Variants in ARFGEF1 observed in about 807,000 individuals in gnomAD.
ARFGEF1 encodes the protein ARF guanine nucleotide exchange factor 1.
A neutral mutation model predicts 231.0 loss-of-function variants in ARFGEF1; 42 were observed. The observed-to-expected ratio is 0.18, with a 90% CI of 0.14 to 0.24. The LOEUF is 0.24. Among genes scored for constraint, ARFGEF1 ranks in the 10% least tolerant of loss-of-function variants. The pLI is 1.00. For synonymous variants in ARFGEF1, 710 were observed against 732.3 expected (o/e 0.97, Z 0.49); for missense variants, 1,345 against 2,192.0 (o/e 0.61, Z 7.72).
In ARFGEF1 at chr8:67,232,930, T is replaced by C. The variant is rs1342621540; in HGVS notation, c.3305A>G (p.Asp1102Gly). The part of the protein sequence containing the change: ...VGLGLVGGNV[D>G]WKQIASIQES... ...CTGAATACTTGCTATCTGTTTCCAGTCCACATTTCCTCCAACTACCACACA... is the reference window on the plus strand; with the variant it reads ...CTGAATACTTGCTATCTGTTTCCAGCCCACATTTCCTCCAACTACCACACA... The change falls in exon 23 of 39, where the codon GAC becomes GGC. Residue 1102 changes from aspartate (D) to glycine (G), a missense_variant. Transcript: ENST00000262215. The C allele has an allele frequency of 1.9e-6, 3 of 1,610,524 alleles. No individual in the cohort carries two copies. Among genetic ancestry groups the C allele is most frequent in the Non-Finnish European group, 2.5e-6 (3 of 1,177,938 alleles).
intron 5 of ARFGEF1, among the ~76,000 whole-genome samples, chr8:67,186,996 TCTATCTATCTATCTATC>T (rs1834830993): frequency 6.6e-6 from 1 of 151,778 alleles, no homozygotes; most frequent in African/African-American, 2.4e-5. Flanking sequence ...TATCTATCTA[TCTATCTATCTATCTATC>T]TAATCTATCT....
chr8:67,289,610 A>G (rs544143975), intron 6 of ARFGEF1, among the ~76,000 whole-genome samples: 1 of 151,562 alleles, frequency 6.6e-6, no homozygotes, highest in African/African-American at 2.4e-5. Flanking sequence ...CACTACTTAT[A>G]ATAGTGGCTT....
At chr8:67,244,742 A>G (rs1840053756) in intron 19 of ARFGEF1, among the ~76,000 whole-genome samples, 1 of 150,510 alleles carries the variant, frequency 6.6e-6, no homozygotes, top group African/African-American at 2.5e-5. Flanking sequence ...AAATAGTTTT[A>G]AAAGGGCAAT....
At chr8:67,281,741 A>G (rs1805544883) in intron 7 of ARFGEF1, among the ~76,000 whole-genome samples, 1 of 152,132 alleles carries the variant, frequency 6.6e-6, no homozygotes, top group African/African-American at 2.4e-5. Flanking sequence ...GTGACCAAAT[A>G]GGAGATAAAT....
downstream of ARFGEF1, chr8:67,175,436 G>A (rs200546493): frequency 3.6e-5 from 58 of 1,614,110 alleles, no homozygotes; most frequent in Middle Eastern, 6.6e-4. Flanking sequence ...AGGTGCCAAA[G>A]GTAAGAAATA....
intron 1 of ARFGEF1, among the ~76,000 whole-genome samples, chr8:67,303,019 C>A (rs925154643): frequency 1.3e-5 from 2 of 150,860 alleles, no homozygotes; most frequent in African/African-American, 4.9e-5. Context: ...CCCTTGAGCC[C>A]AAGAGTTAAA....
chr8:67,320,203 G>T (rs1040044438), intron 1 of ARFGEF1, among the ~76,000 whole-genome samples: 13 of 104,172 alleles, frequency 1.2e-4, no homozygotes, highest in Non-Finnish European at 2.0e-4. Flanking sequence ...CAGACTGGGT[G>T]AAAGAGCAAA....
At chr8:67,204,358 T>C (rs532158583) in intron 35 of ARFGEF1, among the ~76,000 whole-genome samples, 1 of 152,270 alleles carries the variant, frequency 6.6e-6, no homozygotes, top group East Asian at 1.9e-4. Flanking sequence ...CTTAAAACAT[T>C]TTCTTCATCT....
intron 30 of ARFGEF1, 69 bp from the exon 31 acceptor site, chr8:67,218,207 A>AAAAAAATATATATATATATAT (rs1491555936): frequency 1.1e-5 from 1 of 90,836 alleles, no homozygotes; most frequent in African/African-American, 6.9e-5. Context: ...AAAAAAAAAA[A>AAAAAAATATATATATATATAT]ATATATATAT....
At chr8:67,307,889 G>A (rs1182115084) in intron 1 of ARFGEF1, among the ~76,000 whole-genome samples, 2 of 152,182 alleles carry the variant, frequency 1.3e-5, no homozygotes, top group African/African-American at 4.8e-5. Context: ...AAGTGACAGT[G>A]AACAACAGCT....
downstream of ARFGEF1, among the ~76,000 whole-genome samples, chr8:67,194,567 A>G (rs1194485161): frequency 1.3e-5 from 2 of 152,154 alleles, no homozygotes; most frequent in African/African-American, 2.4e-5. Flanking sequence ...GCATTTTAAG[A>G]ATCTTTTTCA....
chr8:67,340,302 T>G (rs929250835), intron 1 of ARFGEF1, among the ~76,000 whole-genome samples: 7 of 152,214 alleles, frequency 4.6e-5, no homozygotes, highest in African/African-American at 1.7e-4. Flanking sequence ...TTAGAAGGGT[T>G]ATAACACCAC....
intron 1 of ARFGEF1, among the ~76,000 whole-genome samples, chr8:67,319,882 T>C (rs1335110233): frequency 2.0e-5 from 3 of 151,950 alleles, no homozygotes; most frequent in Non-Finnish European, 2.9e-5. Context: ...GCAAAAGACT[T>C]AGACATTCAC....
intron 4 of ARFGEF1, 44 bp from the exon 5 acceptor site, chr8:67,296,654 C>CT (rs369652334): frequency 0.13 from 136,670 of 1,044,546 alleles, 106 homozygotes; most frequent in South Asian, 0.18. Context: ...TTTTCTTTTT[C>CT]TTTTTTTTTT....
At position 67,236,393 on chromosome 8, in the gene ARFGEF1, T is replaced by A. The variant is rs1387412063; in HGVS notation, c.3289+1950A>T. 2.8e-3 allele frequency among the ~76,000 whole-genome samples: 268 copies of A among 96,136 alleles called. 13 individuals carry two copies. The highest frequency in any genetic ancestry group is 7.0e-3 in the Middle Eastern group (1 of 142). 63.1% of individuals were successfully genotyped at this position (96,136 alleles called of 152,430 possible). ...ATATATATATATATATATATATATATATATATATATATATATATGTATCCA... is the reference window on the plus strand; with the variant it reads ...ATATATATATATATATATATATATAAATATATATATATATATATGTATCCA... On this transcript the variant is annotated intron_variant, in intron 22 of 38. Coordinates refer to ENST00000262215, the MANE Select transcript of ARFGEF1 (RefSeq NM_006421.5).
Position 67,266,028 on chromosome 8 carries a change from T to C in ARFGEF1, c.2101A>G (p.Ile701Val). The change falls in exon 14 of 39, where the codon ATA (isoleucine) becomes GTA (valine). Residue 701 changes from isoleucine (I) to valine (V), a missense_variant. This residue lies in a region of ARFGEF1 where 105 missense variants were observed against 159.3 expected (regional missense o/e 0.66). Coordinates refer to ENST00000262215, the MANE Select transcript of ARFGEF1 (RefSeq NM_006421.5). The part of the protein sequence containing the change: ...QFEVLKQQKE[I>V]IEQGIDLFNK... ...TACAAATCTATCCCTTGTTCTATTA[T>C]TTCTTTTTGTTGCTTTAGGACCTCA... 1.2e-6 allele frequency: 2 copies of C among 1,613,816 alleles called. No individual in the cohort carries two copies. The highest frequency in any genetic ancestry group is 2.2e-5 in the South Asian group (2 of 91,074).
intron 23 of ARFGEF1, among the ~76,000 whole-genome samples, chr8:67,228,632 A>G (rs568021975): frequency 6.6e-6 from 1 of 152,246 alleles, no homozygotes; most frequent in South Asian, 2.1e-4. Flanking sequence ...ATTGTCTAGC[A>G]TTAAGCAAGT....
At chr8:67,277,566 T>A in intron 7 of ARFGEF1, 109 bp from the exon 8 acceptor site, 2 of 957,052 alleles carry the variant, frequency 2.1e-6, no homozygotes, top group Non-Finnish European at 3.1e-6. Flanking sequence ...CAATGTGAAG[T>A]AAAATATGTA....
At chr8:67,341,756 GAT>G (rs1808638575) in intron 1 of ARFGEF1, among the ~76,000 whole-genome samples, 2 of 152,032 alleles carry the variant, frequency 1.3e-5, no homozygotes, top group Admixed American at 1.3e-4. Flanking sequence ...TCAGGATCTA[GAT>G]ATAAATACAG....
Sources: gnomAD v4.1 joint callset for allele counts (sites outside exome capture counted in the v4.1 genomes callset) on GRCh38, gnomAD v4.1.1 for gene constraint, gnomAD v4.1.1 regional missense constraint, MANE v1.5 for transcripts, NCBI Gene and HGNC (gene_info 2026-07-23, HGNC 2026-07-21) for gene names.